The following LCORL variants were observed in gnomAD, a reference collection of about 807,000 sequenced individuals.
The protein encoded by LCORL is ligand-dependent nuclear receptor corepressor-like protein.
In LCORL, 41 loss-of-function variants were observed where a neutral mutation model predicts 141.8. That is an observed-to-expected ratio of 0.29 (90% CI 0.23 to 0.38). The LOEUF is 0.38. LCORL is among the 10% of genes least tolerant of loss of function. LCORL has a pLI of 1.00. For missense variants in LCORL, 1,759 were observed against 2,035.0 expected (o/e 0.86, Z 2.61); for synonymous variants, 618 against 694.1 (o/e 0.89, Z 1.72).
intron 4 of LCORL, among the ~76,000 whole-genome samples, chr4:17,946,945 G>C (rs1402382177): frequency 6.6e-6 from 1 of 151,946 alleles, no homozygotes; most frequent in East Asian, 1.9e-4. Context: ...TGGAAAACTG[G>C]ATGGAAGTTC....
rs888000682 is a variant in LCORL at position 17,874,768 on chromosome 4, T to C, written c.4222A>G (p.Ile1408Val). The C allele has an allele frequency of 3.2e-6, 4 of 1,233,758 alleles. No homozygotes were observed. In the African/African-American group the frequency reaches 4.7e-5, roughly 14 times the overall value. The allele number at this position is 1,233,758 out of a possible 1,614,324, so 76.4% of individuals were successfully genotyped here. A position where few individuals can be genotyped will look rare whatever the true frequency, so the allele number is the denominator to read the frequency against. Residue 1408 changes from isoleucine (I) to valine (V), a missense_variant, in exon 7 of 8, where the codon ATT becomes GTT. This residue lies in a region of LCORL where 1,311 missense variants were observed against 1,531.3 expected (regional missense o/e 0.86). Coordinates refer to ENST00000635767, the Ensembl canonical transcript of LCORL. The stretch of plus-strand genomic sequence containing the variant: ...ATAGGATCCAAGGATACTTCAGAAA[T>C]AGGTACTAATTTATTATCTTCCAAA...
At chr4:18,018,605 A>G (rs1725001624) in intron 1 of LCORL, among the ~76,000 whole-genome samples, 1 of 152,166 alleles carries the variant, frequency 6.6e-6, no homozygotes, top group Admixed American at 6.5e-5. Context: ...AGTCATGACA[A>G]CTAAAACAAC....
At position 17,955,464 on chromosome 4, in the gene LCORL, T is replaced by C. The variant is rs777469597; in HGVS notation, c.430+6439A>G. The stretch of plus-strand genomic sequence containing the variant: ...CTACTGTGTGCTAGTTCTTGAAATA[T>C]ATTAGTTAACAAAAATTCAGTTCCT... On this transcript the variant is annotated intron_variant, in intron 4 of 7. Coordinates refer to ENST00000635767, the Ensembl canonical transcript of LCORL. Among the ~76,000 whole-genome samples, 6 of 152,266 alleles carry C rather than the reference T, an allele frequency of 3.9e-5. No homozygotes were observed. In the East Asian group the frequency reaches 5.8e-4, roughly 15 times the overall value.
chr4:17,880,551 TTAA>T (rs1727427325), intron 6 of LCORL: 1 of 958,718 alleles, frequency 1.0e-6, no homozygotes, highest in South Asian at 4.8e-5. Context: ...AATACTATAT[TTAA>T]TAAAACTGCT....
At chr4:17,889,467 T>C (rs1728770531) in intron 5 of LCORL, among the ~76,000 whole-genome samples, 1 of 152,138 alleles carries the variant, frequency 6.6e-6, no homozygotes, top group Admixed American at 6.6e-5. Flanking sequence ...AATGTCTACA[T>C]AGTAAACACA....
chr4:17,996,777 T>C lies in LCORL; in HGVS notation c.155-23892A>G, dbSNP rs532250367. The stretch of plus-strand genomic sequence containing the variant: ...ACATCTTTCTCAGCAGTACAGAAAA[T>C]TCCAGGTTCACTAAAACCTCTCTCT... On this transcript the variant is annotated intron_variant, in intron 1 of 7. Transcript: ENST00000635767. Among the ~76,000 whole-genome samples the C allele has an allele frequency of 9.8e-4, 149 of 152,158 alleles. 1 individual carries two copies. The highest frequency in any genetic ancestry group is 3.5e-3 in the African/African-American group (146 of 41,538).
At chr4:17,929,128 T>C (rs534280478) in intron 4 of LCORL, among the ~76,000 whole-genome samples, 1 of 152,256 alleles carries the variant, frequency 6.6e-6, no homozygotes, top group South Asian at 2.1e-4. Flanking sequence ...GGAAACATAA[T>C]AAAGACTTAA....
chr4:17,857,432 T>C (rs976155509), intron 7 of LCORL, among the ~76,000 whole-genome samples: 7 of 152,178 alleles, frequency 4.6e-5, no homozygotes, highest in East Asian at 1.9e-4. Flanking sequence ...CTGGATATAA[T>C]TGACCTTCTG....
exon 8 of LCORL, chr4:17,842,345 A>T: frequency 6.2e-7 from 1 of 1,612,320 alleles, no homozygotes; most frequent in Non-Finnish European, 8.5e-7. Flanking sequence ...TAGGACGAAC[A>T]GGAGGTGTCA....
intron 4 of LCORL, among the ~76,000 whole-genome samples, chr4:17,937,650 GT>G (rs1372348090): frequency 1.3e-5 from 2 of 152,110 alleles, no homozygotes; most frequent in East Asian, 3.9e-4. Context: ...AAGTATGCTA[GT>G]TAGAACACCA....
intron 1 of LCORL, among the ~76,000 whole-genome samples, chr4:17,999,019 T>C (rs1721460788): frequency 1.5e-5 from 2 of 130,808 alleles, no homozygotes; most frequent in South Asian, 4.9e-4. Flanking sequence ...CATATATATA[T>C]ATATATATAT....
At chr4:17,981,915 C>T (rs927241322) in intron 1 of LCORL, among the ~76,000 whole-genome samples, 1 of 152,092 alleles carries the variant, frequency 6.6e-6, no homozygotes, top group Non-Finnish European at 1.5e-5. Flanking sequence ...CATCCTCAAG[C>T]AGGTCCCAAT....
intron 7 of LCORL, among the ~76,000 whole-genome samples, chr4:17,859,014 C>G (rs1724685750): frequency 6.6e-6 from 1 of 152,170 alleles, no homozygotes; most frequent in African/African-American, 2.4e-5. Context: ...CTGTAAAGTA[C>G]AGTCTCTGGC....
chr4:17,919,967 G>T (rs192277708), intron 4 of LCORL, among the ~76,000 whole-genome samples: 33 of 152,332 alleles, frequency 2.2e-4, no homozygotes, highest in East Asian at 7.7e-4. Flanking sequence ...AAGTGCCCTG[G>T]AGGGTGGCAC....
chr4:17,843,056 C>T, exon 8 of LCORL: 1 of 263,204 alleles, frequency 3.8e-6, no homozygotes, highest in Non-Finnish European at 7.3e-6. Context: ...GGCTTTTTTT[C>T]CTGTATAACA....
rs751170464 is a variant in LCORL, at chr4:17,963,069, T to A, written c.221-20A>T. ...CACAGTCTTTAAAAGAGGGAAAAAATTCATTAAATATACTAACTTTATTAA... is the reference window on the plus strand; with the variant it reads ...CACAGTCTTTAAAAGAGGGAAAAAAATCATTAAATATACTAACTTTATTAA... On this transcript the variant is annotated intron_variant, in intron 2 of 7. Coordinates refer to ENST00000635767, the Ensembl canonical transcript of LCORL. 7.9e-6 allele frequency: 11 copies of A among 1,390,854 alleles called. No individual in the cohort carries two copies. Among genetic ancestry groups the A allele is most frequent in the Admixed American group, 1.9e-5 (1 of 53,668 alleles). 86.2% of individuals were successfully genotyped at this position (1,390,854 alleles called of 1,614,324 possible).
intron 1 of LCORL, among the ~76,000 whole-genome samples, chr4:17,983,549 T>C (rs570711654): frequency 1.6e-4 from 25 of 152,290 alleles, no homozygotes; most frequent in African/African-American, 5.8e-4. Flanking sequence ...ACTGAGTTCC[T>C]GATTTGGCTC....
chr4:18,002,762 CATG>C (rs1468500769), intron 1 of LCORL, among the ~76,000 whole-genome samples: 2 of 152,000 alleles, frequency 1.3e-5, no homozygotes, highest in Non-Finnish European at 2.9e-5. Flanking sequence ...TAAAATTGTC[CATG>C]ATAATTTTTA....
At chr4:17,843,382 G>A (rs771576325) in exon 8 of LCORL, 3 of 1,611,778 alleles carry the variant, frequency 1.9e-6, no homozygotes, top group African/African-American at 1.3e-5. Flanking sequence ...CTAGAAAAAA[G>A]TAAACTTAAC....
Sources: gnomAD v4.1 joint callset for allele counts (sites outside exome capture counted in the v4.1 genomes callset) on GRCh38, gnomAD v4.1.1 for gene constraint, gnomAD v4.1.1 regional missense constraint, MANE v1.5 for transcripts, NCBI Gene and HGNC (gene_info 2026-07-23, HGNC 2026-07-21) for gene names.